TTC8: variants seen among roughly 807,000 people sequenced by gnomAD.
The protein encoded by TTC8 is tetratricopeptide repeat domain 8, also known as tetratricopeptide repeat protein 8.
TTC8 carries 47 observed loss-of-function variants against 72.5 expected under a neutral mutation model. The observed-to-expected ratio is 0.65, with a 90% confidence interval of 0.51 to 0.83. The LOEUF (loss-of-function observed/expected upper bound fraction) is 0.83, where lower values mean the gene tolerates loss of function less well. Ranked by LOEUF, TTC8 falls within the 40% of genes least tolerant of loss-of-function variation. TTC8 has a pLI of 0.00. For synonymous variants in TTC8, 199 were observed against 221.4 expected (o/e 0.90, Z 0.90); for missense variants, 611 against 623.2 (o/e 0.98, Z 0.21).
At chr14:88,862,472 A>AAAT (rs1263608026) in intron 10 of TTC8, among the ~76,000 whole-genome samples, 5 of 140,966 alleles carry the variant, frequency 3.5e-5, no homozygotes, top group African/African-American at 1.1e-4. Context: ...GAAAGCCCCA[A>AAAT]AATGTATCTT....
intron 7 of TTC8, among the ~76,000 whole-genome samples, chr14:88,848,123 CAAA>C (rs58210253): frequency 5.7e-5 from 1 of 17,688 alleles, no homozygotes; most frequent in East Asian, 1.2e-3. Context: ...AACTCTGTCT[CAAA>C]AAAAAAAAAA....
In TTC8 at chr14:88,871,759, A is replaced by C; in HGVS notation, c.1224+36A>C. On this transcript the variant is annotated intron_variant, in intron 12 of 14. Transcript: ENST00000380656. The surrounding 1 kb of genome is among the most constrained non-coding windows in gnomAD (Gnocchi z 4.1). ...TTACTGATATAATTTCTGTTATAGA[A>C]AGTTGGTTTGAGCCAGACACAGTGG... 1 of 1,613,220 alleles carries C rather than the reference A, an allele frequency of 6.2e-7. No individual in the cohort carries two copies. The highest frequency in any genetic ancestry group is 8.5e-7 in the Non-Finnish European group (1 of 1,179,420).
In TTC8 at chr14:88,866,752, A is replaced by T. The variant is rs375588876; in HGVS notation, c.910-3307A>T. Among the ~76,000 whole-genome samples, 3 of 152,216 alleles carry T rather than the reference A, an allele frequency of 2.0e-5. No individual in the cohort carries two copies. In the East Asian group the frequency reaches 5.8e-4, roughly 29 times the overall value. On this transcript the variant is annotated intron_variant, in intron 10 of 14. Coordinates refer to ENST00000380656, the MANE Select transcript of TTC8 (RefSeq NM_144596.4). Reference sequence around the variant, plus strand: ...GTCAACATCAACACGGGCTCTTTTCATCTGGAATAGAACACAGTCAGTGCC... The same window carrying T: ...GTCAACATCAACACGGGCTCTTTTCTTCTGGAATAGAACACAGTCAGTGCC...
At chr14:88,824,514 T>C, upstream of TTC8, 2 of 589,396 alleles carry the variant, frequency 3.4e-6, no homozygotes, top group Middle Eastern at 4.5e-4. Context: ...TCCAACCAAG[T>C]TTAGGCAAGC....
chr14:88,847,926 A>G (rs961701283), intron 7 of TTC8, among the ~76,000 whole-genome samples: 1 of 151,864 alleles, frequency 6.6e-6, no homozygotes, highest in Non-Finnish European at 1.5e-5. Context: ...AGTTCGAGAC[A>G]AGCCTGGACA....
chr14:88,859,870 AATATATT>A (rs199798788), intron 9 of TTC8, among the ~76,000 whole-genome samples: 14,740 of 144,566 alleles, frequency 0.1, 2,042 homozygotes, highest in African/African-American at 0.3. Flanking sequence ...ATATAATATA[AATATATT>A]ATATATTATA....
chr14:88,877,257 A>G (rs1216409467), intron 14 of TTC8, 37 bp from the exon 15 acceptor site: 1 of 1,503,298 alleles, frequency 6.7e-7, no homozygotes, highest in Non-Finnish European at 9.3e-7. Context: ...TTTTTTTCTG[A>G]TCTCATTCCA....
chr14:88,824,983 T>G (rs2094692322), intron 1 of TTC8, among the ~76,000 whole-genome samples, 162 bp downstream of exon 1: 1 of 152,156 alleles, frequency 6.6e-6, no homozygotes, highest in South Asian at 2.1e-4. Flanking sequence ...GAGCTGTGAC[T>G]AGCGGGTCCG....
At chr14:88,872,113 G>C (rs1566859687) in intron 12 of TTC8, among the ~76,000 whole-genome samples, 1 of 152,152 alleles carries the variant, frequency 6.6e-6, no homozygotes, top group African/African-American at 2.4e-5. Context: ...ATCCAGGTTT[G>C]GCAGTAGTCT....
At chr14:88,865,723 C>A (rs1388059552) in intron 10 of TTC8, among the ~76,000 whole-genome samples, 1 of 151,976 alleles carries the variant, frequency 6.6e-6, no homozygotes, top group Non-Finnish European at 1.5e-5. Flanking sequence ...GATTTTGTGT[C>A]TACATTTTGT....
chr14:88,848,064 C>T (rs551682093), intron 7 of TTC8, among the ~76,000 whole-genome samples: 1 of 138,636 alleles, frequency 7.2e-6, no homozygotes, highest in East Asian at 2.3e-4. Context: ...CAGAGGTTGC[C>T]GTGAGCCCAG....
At chr14:88,837,824 T>G (rs1344588024) in intron 2 of TTC8, among the ~76,000 whole-genome samples, 1 of 152,202 alleles carries the variant, frequency 6.6e-6, no homozygotes, top group Non-Finnish European at 1.5e-5. Context: ...AACCTGAGAT[T>G]TTTTTTCTAT....
At chr14:88,838,875 A>G (rs1204711447) in intron 2 of TTC8, among the ~76,000 whole-genome samples, 1 of 152,246 alleles carries the variant, frequency 6.6e-6, no homozygotes, top group Non-Finnish European at 1.5e-5. Context: ...AGTTCAACCA[A>G]CATTTCTTGA....
At chr14:88,862,586 A>ATATG (rs2094892334) in intron 10 of TTC8, among the ~76,000 whole-genome samples, 10 of 76,056 alleles carry the variant, frequency 1.3e-4, no homozygotes, top group African/African-American at 5.5e-4. Flanking sequence ...ATATATATAT[A>ATATG]TATATATATA....
At chr14:88,833,952 C>T (rs1379719835) in intron 2 of TTC8, 8 of 546,110 alleles carry the variant, frequency 1.5e-5, no homozygotes, top group Non-Finnish European at 2.3e-5. Context: ...CTCATTGGGA[C>T]TTGGAGCTTA....
chr14:88,872,576 G>A, intron 13 of TTC8, 124 bp downstream of exon 13: 1 of 1,372,744 alleles, frequency 7.3e-7, no homozygotes, highest in Non-Finnish European at 1.0e-6. Flanking sequence ...GCGTGGATTT[G>A]AATCCCAGCT....
chr14:88,870,196 C>A lies in TTC8; in HGVS notation c.1047C>A (p.Tyr349Ter). The stretch of plus-strand genomic sequence containing the variant: ...AGCCAGAAATAGCTCTCCGGTTTTA[C>A]AGGTGCACTTCACATCCAATTCTTA... ...SDQPEIALRF[Y>*]RRLLQMGIYN... The change falls in exon 11 of 15, where the codon TAC (tyrosine) becomes TAA (stop). Residue 349 changes from tyrosine (Y) to a stop codon, truncating the protein, a stop_gained and splice_region_variant. Transcript: ENST00000380656. LOFTEE classifies it high-confidence loss of function. 6.2e-7 allele frequency: 1 copy of A among 1,614,026 alleles called. No individual in the cohort carries two copies. Among genetic ancestry groups the A allele is most frequent in the Non-Finnish European group, 8.5e-7 (1 of 1,179,928 alleles).
At chr14:88,856,008 C>G (rs2094854214) in intron 8 of TTC8, among the ~76,000 whole-genome samples, 1 of 152,190 alleles carries the variant, frequency 6.6e-6, no homozygotes. Context: ...TGCTTGAGCC[C>G]CAGAGGGCAA....
chr14:88,875,008 C>A lies in TTC8; in HGVS notation c.1348-18C>A, dbSNP rs779794294. ...TTCATACGCCTTTGGTTTTTCTTTT[C>A]TTTATTTTTATACACAGGCAAGGGC... On this transcript the variant is annotated intron_variant, in intron 13 of 14. Coordinates refer to ENST00000380656, the MANE Select transcript of TTC8 (RefSeq NM_144596.4). The A allele has an allele frequency of 4.6e-5, 74 of 1,601,362 alleles. 1 individual carries two copies. In the South Asian group the frequency reaches 7.6e-4, roughly 16 times the overall value.
Sources: allele counts gnomAD v4.1 joint callset (sites outside exome capture counted in the v4.1 genomes callset), GRCh38; gene constraint gnomAD v4.1.1; non-coding constraint Gnocchi (gnomAD v3.1); transcripts MANE v1.5; gene names NCBI Gene and HGNC (gene_info 2026-07-23, HGNC 2026-07-21).